FADS2: variants seen among roughly 807,000 people sequenced by gnomAD.
The protein encoded by FADS2 is fatty acid desaturase 2.
A neutral mutation model predicts 61.2 loss-of-function variants in FADS2; 18 were observed. That is an observed-to-expected ratio of 0.29 (90% CI 0.20 to 0.44). The LOEUF is 0.44. Ranked by LOEUF, FADS2 falls within the 20% of genes least tolerant of loss-of-function variation. The probability of loss-of-function intolerance (pLI) is 1.00; values close to 1 mark genes in which losing one functional copy is unlikely to be tolerated. For synonymous variants in FADS2, 203 were observed against 223.9 expected (o/e 0.91, Z 0.83); for missense variants, 322 against 572.7 (o/e 0.56, Z 4.47).
At chr11:61,853,314 T>C (rs1174924521) in intron 5 of FADS2, among the ~76,000 whole-genome samples, 16 of 132,358 alleles carry the variant, frequency 1.2e-4, no homozygotes, top group African/African-American at 4.6e-4. Flanking sequence ...CTTCCTTCCT[T>C]CCTTCCTTCC....
chr11:61,836,892 T>A (rs1316538539), intron 1 of FADS2, among the ~76,000 whole-genome samples: 3 of 152,246 alleles, frequency 2.0e-5, no homozygotes, highest in Non-Finnish European at 4.4e-5. Context: ...TTGCATCCCC[T>A]CAGGGGAGCC....
intron 5 of FADS2, among the ~76,000 whole-genome samples, chr11:61,853,228 CTT>C: frequency 7.3e-6 from 1 of 136,220 alleles, no homozygotes; most frequent in Non-Finnish European, 1.6e-5. Flanking sequence ...CTCTTTCTTT[CTT>C]CTCTTTCTTT....
intron 4 of FADS2, chr11:61,847,958 T>G (rs2067274043): frequency 6.9e-6 from 4 of 580,816 alleles, no homozygotes; most frequent in Non-Finnish European, 1.2e-5. Flanking sequence ...CCTAGAGAGA[T>G]AAAGTGACTT....
chr11:61,818,816 GA>G (rs1385052565), intron 1 of FADS2, among the ~76,000 whole-genome samples: 1 of 152,086 alleles, frequency 6.6e-6, no homozygotes, highest in Non-Finnish European at 1.5e-5. Flanking sequence ...ACTGCTGGTA[GA>G]AGTGTAAGTT....
upstream of FADS2, among the ~76,000 whole-genome samples, chr11:61,823,682 A>G (rs2135948839): frequency 6.6e-6 from 1 of 151,974 alleles, no homozygotes; most frequent in South Asian, 2.1e-4. Context: ...ACATCCAACT[A>G]ATTTTTTATA....
chr11:61,831,964 A>G (rs990548581), intron 1 of FADS2, among the ~76,000 whole-genome samples: 3 of 152,188 alleles, frequency 2.0e-5, no homozygotes, highest in African/African-American at 7.2e-5. Flanking sequence ...TTCAGCGACA[A>G]TTCATCAAAC....
At chr11:61,840,749 T>C (rs1185543113) in intron 4 of FADS2, 24 bp downstream of exon 4, 1 of 1,557,224 alleles carries the variant, frequency 6.4e-7, no homozygotes, top group Non-Finnish European at 8.9e-7. Context: ...GCCCTGGGCA[T>C]CTGTCCTGTT....
chr11:61,824,969 G>T (rs1222826884), upstream of FADS2, among the ~76,000 whole-genome samples: 1 of 152,024 alleles, frequency 6.6e-6, no homozygotes, highest in African/African-American at 2.4e-5. Flanking sequence ...GAGGTGGGCA[G>T]ATCACGAGGT....
rs767814095 is a variant in FADS2, at chr11:61,816,392, C to A, written c.107C>A (p.Pro36His). ...CAGGCCTCTCTCCCGCCTTTTCATC[C>A]CGCATCCGCAGGACACCCAATCACC... The change falls in exon 1 of 12, where the codon CCC becomes CAC. Residue 36 changes from proline to histidine, a missense_variant. By Grantham distance (77) the Pro-to-His change is moderately conservative. Coordinates refer to the FADS2 transcript ENST00000257261. The surrounding 1 kb of genome is among the most constrained non-coding windows in gnomAD (Gnocchi z 7.0). 5 of 1,598,534 alleles carry A rather than the reference C, an allele frequency of 3.1e-6. No homozygotes were observed. The highest frequency in any genetic ancestry group is 4.2e-6 in the Non-Finnish European group (5 of 1,179,808).
intron 5 of FADS2, among the ~76,000 whole-genome samples, chr11:61,850,368 A>G (rs1439881201): frequency 6.6e-6 from 1 of 152,004 alleles, no homozygotes; most frequent in African/African-American, 2.4e-5. Context: ...CTCCTGCCTC[A>G]GCCTCCCGAG....
chr11:61,866,187 A>G lies in FADS2; in HGVS notation c.*498A>G. 2.5e-6 allele frequency: 1 copy of G among 397,350 alleles called. No homozygotes were observed. The allele number at this position is 397,350 out of a possible 1,614,324, so 24.6% of individuals were successfully genotyped here. A position where few individuals can be genotyped will look rare whatever the true frequency, so the allele number is the denominator to read the frequency against. ...GGCTTCACTCTCCCTGACGGCTGCCATTGGTCCACCCTTTCATAGAGAGGC... is the reference window on the plus strand; with the variant it reads ...GGCTTCACTCTCCCTGACGGCTGCCGTTGGTCCACCCTTTCATAGAGAGGC... On this transcript the variant is annotated 3_prime_UTR_variant, in exon 12 of 12. Transcript: ENST00000278840.
chr11:61,830,081 G>A (rs1434966088), intron 1 of FADS2, among the ~76,000 whole-genome samples: 1 of 152,230 alleles, frequency 6.6e-6, no homozygotes. Flanking sequence ...TACCTTCAGT[G>A]CTATCTCACC....
intron 1 of FADS2, among the ~76,000 whole-genome samples, chr11:61,829,490 G>T (rs1199232966): frequency 6.6e-6 from 1 of 152,178 alleles, no homozygotes; most frequent in Non-Finnish European, 1.5e-5. Flanking sequence ...CCAAATGCGT[G>T]GCTCAGTGAT....
upstream of FADS2, chr11:61,828,182 C>A: frequency 7.1e-7 from 1 of 1,415,992 alleles, no homozygotes; most frequent in Non-Finnish European, 9.2e-7. This position sits in a 1 kb window ranked among gnomAD's most constrained non-coding sequence, Gnocchi z 6.4. Flanking sequence ...ACTGGGAAGC[C>A]AGGGATCCTC....
upstream of FADS2, among the ~76,000 whole-genome samples, chr11:61,825,617 C>CAA (rs921881577): frequency 2.3e-4 from 17 of 72,486 alleles, no homozygotes; most frequent in South Asian, 1.7e-3. Flanking sequence ...GACCCTGTCT[C>CAA]AAAAAAAAAA....
chr11:61,820,710 G>C (rs1369616986), intron 1 of FADS2, among the ~76,000 whole-genome samples: 2 of 152,068 alleles, frequency 1.3e-5, no homozygotes, highest in African/African-American at 4.8e-5. Context: ...GACCCACTTG[G>C]CCAACACGGT....
At chr11:61,823,798 T>G (rs905171505), upstream of FADS2, among the ~76,000 whole-genome samples, 9 of 152,206 alleles carry the variant, frequency 5.9e-5, no homozygotes, top group Non-Finnish European at 1.3e-4. Flanking sequence ...ATTACAGGTG[T>G]GAGCCACCAC....
intron 5 of FADS2, among the ~76,000 whole-genome samples, chr11:61,851,581 C>T (rs1319927927): frequency 6.6e-6 from 1 of 152,232 alleles, no homozygotes; most frequent in Non-Finnish European, 1.5e-5. Context: ...GAACCCTGGT[C>T]TCTTGACTGA....
At chr11:61,852,451 G>C (rs2067315601) in intron 5 of FADS2, among the ~76,000 whole-genome samples, 1 of 152,098 alleles carries the variant, frequency 6.6e-6, no homozygotes, top group Non-Finnish European at 1.5e-5. Flanking sequence ...AGTAGAGATG[G>C]GGTTTCACCA....
Sources: allele counts gnomAD v4.1 joint callset (sites outside exome capture counted in the v4.1 genomes callset), GRCh38; gene constraint gnomAD v4.1.1; non-coding constraint Gnocchi (gnomAD v3.1); transcripts MANE v1.5; gene names NCBI Gene and HGNC (gene_info 2026-07-23, HGNC 2026-07-21).